Variants in SLC36A1 observed in about 807,000 individuals in gnomAD.
SLC36A1 encodes the protein proton-coupled amino acid transporter 1.
In SLC36A1, 30 loss-of-function variants were observed where a neutral mutation model predicts 47.5. That is an observed-to-expected ratio of 0.63 (90% confidence interval 0.47 to 0.86). The LOEUF (loss-of-function observed/expected upper bound fraction) is 0.86. Ranked by LOEUF, SLC36A1 falls within the 40% of genes least tolerant of loss-of-function variation. The probability of loss-of-function intolerance (pLI) is 0.00; values close to 1 mark genes in which losing one functional copy is unlikely to be tolerated. For missense variants in SLC36A1, 517 were observed against 606.0 expected (o/e 0.85, Z 1.54); for synonymous variants, 255 against 249.7 (o/e 1.02, Z -0.20).
chr5:151,488,252 T>C lies in SLC36A1; in HGVS notation c.1429T>C (p.Ter477GlnextTer117), dbSNP rs1220279503. 6.2e-7 allele frequency: 1 copy of C among 1,613,906 alleles called. No individual in the cohort carries two copies. Among genetic ancestry groups the C allele is most frequent in the South Asian group, 1.1e-5 (1 of 91,064 alleles). ...CATCAATTCCACCTGTGCCTTCATA[T>C]AGGGATCTGGGTTCGTCTCTGCAGC... ...IFINSTCAFI[*>Q] The change falls in exon 11 of 11, where the codon TAG becomes CAG. Residue 477 changes from the stop codon to glutamine, a stop_lost. Transcript: ENST00000243389.
chr5:151,410,437 G>A, the SLC36A1 span, among the ~76,000 whole-genome samples: 1 of 144,056 alleles, frequency 6.9e-6, no homozygotes, highest in Admixed American at 6.8e-5. Flanking sequence ...TCTTTACAGA[G>A]TTTTTTGTAT....
the SLC36A1 span, chr5:151,550,558 C>T: frequency 5.4e-5 from 87 of 1,610,688 alleles, no homozygotes; most frequent in African/African-American, 6.1e-4. Context: ...TACATGCAAA[C>T]GTATTCTCAC....
chr5:151,464,484 C>T, intron 3 of SLC36A1, 30 bp from the exon 4 acceptor site: 1 of 1,592,254 alleles, frequency 6.3e-7, no homozygotes, highest in African/African-American at 1.3e-5. Context: ...ACTTTTCTCT[C>T]TCTCTTTTGC....
the SLC36A1 span, among the ~76,000 whole-genome samples, chr5:151,351,152 C>A: frequency 3.9e-3 from 589 of 152,192 alleles, 8 homozygotes; most frequent in African/African-American, 0.014. Flanking sequence ...TTTATGATAT[C>A]ATTTTATTGT....
chr5:151,441,173 C>T (rs968546034), intron 1 of SLC36A1, among the ~76,000 whole-genome samples: 3 of 152,172 alleles, frequency 2.0e-5, no homozygotes, highest in Non-Finnish European at 4.4e-5. Flanking sequence ...CAGTGGCATG[C>T]ACCTGTAGTC....
the SLC36A1 span, among the ~76,000 whole-genome samples, chr5:151,370,358 A>C: frequency 1.3e-5 from 2 of 152,000 alleles, no homozygotes; most frequent in Non-Finnish European, 2.9e-5. Flanking sequence ...GTTGTTGTAT[A>C]TGCTTAATGA....
intron 10 of SLC36A1, among the ~76,000 whole-genome samples, chr5:151,484,628 T>C (rs10476986): frequency 0.052 from 7,971 of 152,276 alleles, 683 homozygotes; most frequent in African/African-American, 0.18. Flanking sequence ...AGGCTCAGAA[T>C]AGTAAGCTGA....
In SLC36A1 at chr5:151,467,131, CCT is replaced by C. The variant is rs745671970; in HGVS notation, c.420-66_420-65del. 8.4e-5 allele frequency: 104 copies of C among 1,242,232 alleles called. 1 individual carries two copies. The highest frequency in any genetic ancestry group is 1.2e-4 in the Non-Finnish European group (100 of 865,122). 77.0% of individuals were successfully genotyped at this position (1,242,232 alleles called of 1,614,324 possible). Reference sequence around the variant, plus strand: ...TATTAAAAAACAAAAACAAAAAACACCTCCCCTTCTGGGAGCATTGCATTTGT... The same window carrying C: ...TATTAAAAAACAAAAACAAAAAACACCCCCTTCTGGGAGCATTGCATTTGT... On this transcript the variant is annotated intron_variant, in intron 5 of 10. Transcript: ENST00000243389.
chr5:151,444,126 T>C (rs930209366), upstream of SLC36A1, among the ~76,000 whole-genome samples: 1 of 152,226 alleles, frequency 6.6e-6, no homozygotes, highest in African/African-American at 2.4e-5. Context: ...TTTTTCTTTT[T>C]CAGAATTGTC....
rs1250435113 is a variant in SLC36A1, at chr5:151,492,148, ACT to A, written c.*3897_*3898del. On this transcript the variant is annotated 3_prime_UTR_variant, in exon 11 of 11. Coordinates refer to ENST00000243389, the MANE Select transcript of SLC36A1 (RefSeq NM_078483.4). ...CTTTCAGTGGATAATAAAATTGGTA[ACT>A]CTATTGTAAAACATGTCAATGGTGT... is the stretch of plus-strand genomic sequence containing the variant. The A allele has an allele frequency of 6.6e-6, 1 of 152,062 alleles. No homozygotes were observed. The highest frequency in any genetic ancestry group is 1.5e-5 in the Non-Finnish European group (1 of 68,024). The allele number at this position is 152,062 out of a possible 1,614,324, so 9.4% of individuals were successfully genotyped here.
At chr5:151,412,314 C>T in the SLC36A1 span, among the ~76,000 whole-genome samples, 3 of 144,390 alleles carry the variant, frequency 2.1e-5, no homozygotes, top group East Asian at 2.3e-4. Flanking sequence ...ATTCATTCCC[C>T]GGAGTTTGGG....
At chr5:151,358,502 G>T in the SLC36A1 span, among the ~76,000 whole-genome samples, 1 of 152,114 alleles carries the variant, frequency 6.6e-6, no homozygotes, top group Non-Finnish European at 1.5e-5. Flanking sequence ...GCCTCCTCCT[G>T]CCTCAGCCTT....
intron 10 of SLC36A1, among the ~76,000 whole-genome samples, chr5:151,480,383 G>A (rs1758648229): frequency 6.6e-6 from 1 of 152,056 alleles, no homozygotes; most frequent in South Asian, 2.1e-4. Flanking sequence ...TTCAGTCTGA[G>A]CCTCTGTCTT....
chr5:151,484,428 C>T (rs1759244967), intron 10 of SLC36A1, among the ~76,000 whole-genome samples: 1 of 152,172 alleles, frequency 6.6e-6, no homozygotes, highest in South Asian at 2.1e-4. Context: ...GGCTTGGAGC[C>T]CCATCGCTTT....
the SLC36A1 span, among the ~76,000 whole-genome samples, chr5:151,507,846 A>ATTAT: frequency 2.0e-5 from 3 of 152,184 alleles, no homozygotes; most frequent in East Asian, 5.8e-4. Context: ...GGGAATGTCT[A>ATTAT]TTATTTTTCC....
chr5:151,474,309 C>T (rs1397747168), intron 8 of SLC36A1, among the ~76,000 whole-genome samples: 1 of 152,076 alleles, frequency 6.6e-6, no homozygotes, highest in African/African-American at 2.4e-5. Flanking sequence ...AAGGCCCCTT[C>T]ACTGCACACT....
chr5:151,463,591 T>C lies in SLC36A1; in HGVS notation c.182T>C (p.Ile61Thr), dbSNP rs2127484465. The C allele has an allele frequency of 6.2e-7, 1 of 1,614,208 alleles. No individual in the cohort carries two copies. The highest frequency in any genetic ancestry group is 1.6e-4 in the Middle Eastern group (1 of 6,062). ...TTGATCCACCTGTTAAAAGGCAACA[T>C]TGGCACAGGACTCCTGGGACTCCCT... The part of the protein sequence containing the change: ...QTLIHLLKGN[I>T]GTGLLGLPLA... Residue 61 changes from isoleucine to threonine, a missense_variant, in exon 3 of 11, where the codon ATT (isoleucine) becomes ACT (threonine). Transcript: ENST00000243389.
chr5:151,351,959 G>A, the SLC36A1 span, among the ~76,000 whole-genome samples: 2 of 152,160 alleles, frequency 1.3e-5, no homozygotes, highest in African/African-American at 4.8e-5. Flanking sequence ...GCATGATCCA[G>A]CTGCTGCCTC....
chr5:151,487,964 A>G lies in SLC36A1; in HGVS notation c.1160-19A>G. The G allele has an allele frequency of 6.2e-7, 1 of 1,613,370 alleles. No individual in the cohort carries two copies. The highest frequency in any genetic ancestry group is 8.5e-7 in the Non-Finnish European group (1 of 1,179,796). ...CCAGCTCTGGGCATCTTAAACAGGC[A>G]TGTCCTCTCTCCCTGCAGGCATCTT... On this transcript the variant is annotated intron_variant, in intron 10 of 10. Transcript: ENST00000243389.
Sources: gnomAD v4.1 joint callset for allele counts (sites outside exome capture counted in the v4.1 genomes callset) on GRCh38, gnomAD v4.1.1 for gene constraint, MANE v1.5 for transcripts, NCBI Gene and HGNC (gene_info 2026-07-23, HGNC 2026-07-21) for gene names.